Variants in PHF24 observed in about 807,000 individuals in gnomAD.
PHF24 encodes the protein PHD finger protein 24.
Under a neutral mutation model 42.6 loss-of-function variants are expected in PHF24, and 25 were observed. That is an observed-to-expected ratio of 0.59 (90% CI 0.43 to 0.82). PHF24 has a LOEUF of 0.82. Ranked by LOEUF, PHF24 falls within the 40% of genes least tolerant of loss-of-function variation. The pLI, the probability that PHF24 is intolerant of heterozygous loss-of-function variation, is 0.00. For synonymous variants in PHF24, 185 were observed against 204.8 expected, an observed-to-expected ratio of 0.90 and a Z score of 0.83; for missense variants, 470 against 538.1, an observed-to-expected ratio of 0.87 and a Z score of 1.25.
At chr9:34,973,624 G>A (rs952962933) in intron 3 of PHF24, among the ~76,000 whole-genome samples, 3 of 152,156 alleles carry the variant, frequency 2.0e-5, no homozygotes, top group East Asian at 1.9e-4. Context: ...CTGCTTAGAC[G>A]AAAGCAGAGA....
chr9:34,820,900 T>C, the PHF24 span, among the ~76,000 whole-genome samples: 5 of 152,238 alleles, frequency 3.3e-5, no homozygotes, highest in Admixed American at 6.5e-5. Flanking sequence ...CATCTGTTAT[T>C]TTTTGACTTT....
chr9:34,809,881 G>A, the PHF24 span, among the ~76,000 whole-genome samples: 20 of 152,030 alleles, frequency 1.3e-4, no homozygotes, highest in African/African-American at 4.8e-4. The surrounding 1 kb of genome is among the most constrained non-coding windows in gnomAD (Gnocchi z 4.1). Flanking sequence ...TCCCCCCACC[G>A]TAAGCACGCC....
At chr9:34,810,429 G>A in the PHF24 span, among the ~76,000 whole-genome samples, 1 of 152,188 alleles carries the variant, frequency 6.6e-6, no homozygotes, top group South Asian at 2.1e-4. Context: ...CCCTGTGGAG[G>A]GCACTGGCCC....
chr9:34,781,733 A>C, the PHF24 span, among the ~76,000 whole-genome samples: 6 of 152,134 alleles, frequency 3.9e-5, no homozygotes, highest in Non-Finnish European at 8.8e-5. Context: ...AAAAAAAAAA[A>C]AGCATTGTAG....
At chr9:34,852,247 G>T in the PHF24 span, among the ~76,000 whole-genome samples, 2 of 152,094 alleles carry the variant, frequency 1.3e-5, no homozygotes, top group Non-Finnish European at 2.9e-5. Flanking sequence ...TGTTAATTTT[G>T]TTTATGTTAT....
chr9:34,696,955 C>T, the PHF24 span, among the ~76,000 whole-genome samples: 1 of 152,178 alleles, frequency 6.6e-6, no homozygotes, highest in African/African-American at 2.4e-5. Context: ...AGGATATGCT[C>T]CAAGAGCAAG....
the PHF24 span, chr9:34,836,021 G>A: frequency 1.2e-4 from 79 of 646,556 alleles, 1 homozygote; most frequent in East Asian, 9.5e-4. Flanking sequence ...AGGATTCGCC[G>A]CACACTTCCC....
chr9:34,906,054 A>G, the PHF24 span, among the ~76,000 whole-genome samples: 2 of 152,122 alleles, frequency 1.3e-5, no homozygotes, highest in Non-Finnish European at 2.9e-5. Context: ...AGGGTTGAGA[A>G]GGAAAGACAG....
chr9:34,855,364 A>G, the PHF24 span, among the ~76,000 whole-genome samples: 1 of 152,198 alleles, frequency 6.6e-6, no homozygotes, highest in African/African-American at 2.4e-5. Context: ...GTTGCTTAAT[A>G]GTGTCATTGA....
At chr9:34,719,484 A>T in the PHF24 span, among the ~76,000 whole-genome samples, 1 of 152,210 alleles carries the variant, frequency 6.6e-6, no homozygotes, top group Non-Finnish European at 1.5e-5. Flanking sequence ...ATCCTGCATG[A>T]ATCATAGGCT....
the PHF24 span, among the ~76,000 whole-genome samples, chr9:34,780,998 T>G: frequency 6.6e-6 from 1 of 152,200 alleles, no homozygotes. Context: ...TTAATGAGGA[T>G]GTGGAGAAAC....
chr9:34,881,749 C>G, the PHF24 span, among the ~76,000 whole-genome samples: 4 of 152,090 alleles, frequency 2.6e-5, no homozygotes, highest in Admixed American at 2.6e-4. Flanking sequence ...AAGTCCAGGA[C>G]CAGATGGATT....
At chr9:34,749,817 A>G in the PHF24 span, among the ~76,000 whole-genome samples, 1 of 152,024 alleles carries the variant, frequency 6.6e-6, no homozygotes, top group Non-Finnish European at 1.5e-5. Flanking sequence ...TAAAAAGGAA[A>G]GGATCCTAAA....
the PHF24 span, among the ~76,000 whole-genome samples, chr9:34,721,809 AT>A: frequency 3.9e-5 from 6 of 152,150 alleles, no homozygotes; most frequent in African/African-American, 1.4e-4. Context: ...GTGTGGCTAA[AT>A]CTAACACGCC....
chr9:34,958,252 GCCGCCT>G (rs1554657783), upstream of PHF24: 4 of 150,646 alleles, frequency 2.7e-5, no homozygotes, highest in African/African-American at 5.1e-5. This position sits in a 1 kb window ranked among gnomAD's most constrained non-coding sequence, Gnocchi z 4.5. Flanking sequence ...CGCCGCCGCC[GCCGCCT>G]CCTCAGCCTG....
At chr9:34,717,853 G>A in the PHF24 span, among the ~76,000 whole-genome samples, 1 of 152,206 alleles carries the variant, frequency 6.6e-6, no homozygotes, top group South Asian at 2.1e-4. Context: ...GTCTGATGCA[G>A]GGTGTTCATG....
At chr9:34,840,539 C>G in the PHF24 span, among the ~76,000 whole-genome samples, 1 of 139,504 alleles carries the variant, frequency 7.2e-6, no homozygotes, top group Admixed American at 7.2e-5. Flanking sequence ...TCTTCTCCTT[C>G]CTTCTTCTTC....
chr9:34,723,375 AG>A, the PHF24 span: 1 of 1,551,732 alleles, frequency 6.4e-7, no homozygotes, highest in Non-Finnish European at 8.7e-7. Context: ...GGACCATCCA[AG>A]AAGGCTGGGC....
the PHF24 span, among the ~76,000 whole-genome samples, chr9:34,947,374 G>A: frequency 2.1e-5 from 3 of 143,618 alleles, no homozygotes; most frequent in South Asian, 4.1e-4. Flanking sequence ...CATTACTCAC[G>A]TGGTGGTGGT....
Sources: gnomAD v4.1 joint callset for allele counts (sites outside exome capture counted in the v4.1 genomes callset) on GRCh38, gnomAD v4.1.1 for gene constraint, Gnocchi (gnomAD v3.1) non-coding constraint, MANE v1.5 for transcripts, NCBI Gene and HGNC (gene_info 2026-07-23, HGNC 2026-07-21) for gene names.